Variants in CEACAM1 observed in about 807,000 individuals in gnomAD.
CEACAM1 encodes cell adhesion molecule CEACAM1.
Under a neutral mutation model 49.1 loss-of-function variants are expected in CEACAM1, and 31 were observed. The observed-to-expected ratio is 0.63, with a 90% CI of 0.47 to 0.85. The LOEUF (loss-of-function observed/expected upper bound fraction) is 0.85. Among genes scored for constraint, CEACAM1 ranks in the 40% least tolerant of loss-of-function variants. CEACAM1 has a pLI of 0.00. For missense variants in CEACAM1, 570 were observed against 645.3 expected (o/e 0.88, Z 1.26); for synonymous variants, 244 against 247.8 (o/e 0.98, Z 0.14).
chr19:42,508,913 C>A lies in CEACAM1; in HGVS notation c.*196G>T. 1.8e-6 allele frequency: 1 copy of A among 567,446 alleles called. No individual in the cohort carries two copies. Among genetic ancestry groups the A allele is most frequent in the Non-Finnish European group, 3.0e-6 (1 of 328,388 alleles). 35.2% of individuals were successfully genotyped at this position (567,446 alleles called of 1,614,324 possible). ...AAGAAGGTTGGGTTTCCTACAGACTCCCAATGTACTTTCATCTATTGACAC... is the reference window on the plus strand; with the variant it reads ...AAGAAGGTTGGGTTTCCTACAGACTACCAATGTACTTTCATCTATTGACAC... On this transcript the variant is annotated 3_prime_UTR_variant, in exon 9 of 9. Transcript: ENST00000161559.
intron 4 of CEACAM1, chr19:42,519,475 G>T (rs1240869888): frequency 1.9e-6 from 1 of 515,120 alleles, no homozygotes; most frequent in Non-Finnish European, 3.5e-6. Context: ...GTCTCAGAGT[G>T]ACCCTCTGGA....
Position 42,510,762 on chromosome 19 carries a change from C to T in CEACAM1, c.1461+127G>A, listed in dbSNP as rs1056608398. On this transcript the variant is annotated intron_variant, in intron 8 of 8. Transcript: ENST00000161559. ...AGACTCATGGGAGTGATTACAAATA[C>T]GTCTTTGTTGTTGCACTGAGGAACA... is the stretch of plus-strand genomic sequence containing the variant. 1.6e-4 allele frequency: 135 copies of T among 830,434 alleles called. 1 individual carries two copies. The highest frequency in any genetic ancestry group is 2.5e-4 in the South Asian group (18 of 70,746). 51.4% of individuals were successfully genotyped at this position (830,434 alleles called of 1,614,324 possible).
At chr19:42,515,600 G>C (rs903073415) in intron 5 of CEACAM1, among the ~76,000 whole-genome samples, 1 of 152,048 alleles carries the variant, frequency 6.6e-6, no homozygotes. Flanking sequence ...CTTGAACCCG[G>C]GAAGTTGAGG....
chr19:42,519,141 A>G lies in CEACAM1; in HGVS notation c.1053T>C (p.Asn351=), dbSNP rs2041676297. 1 of 1,614,154 alleles carries G rather than the reference A, an allele frequency of 6.2e-7. No homozygotes were observed. The highest frequency in any genetic ancestry group is 8.5e-7 in the Non-Finnish European group (1 of 1,180,028). ...KDSVNLTCST[N]DTGISIRWFF... The stretch of plus-strand genomic sequence containing the variant: ...ACCAACGGATGGAGATTCCAGTGTC[A>G]TTTGTGGAGCAGGTCAGGTTCACAG... Residue 351 remains asparagine (N), a synonymous_variant, in exon 5 of 9, where the codon AAT becomes AAC. Coordinates refer to ENST00000161559, the MANE Select transcript of CEACAM1 (RefSeq NM_001712.5).
At chr19:42,514,954 T>C in intron 5 of CEACAM1, 1 of 636,436 alleles carries the variant, frequency 1.6e-6, no homozygotes, top group Admixed American at 2.5e-5. Flanking sequence ...GCTGAAGGTT[T>C]ATTATTACAT....
At chr19:42,518,741 C>A in intron 5 of CEACAM1, 1 of 594,020 alleles carries the variant, frequency 1.7e-6, no homozygotes, top group South Asian at 1.9e-5. Flanking sequence ...CCCTCGTGAT[C>A]CGCCCGCCTT....
chr19:42,518,034 A>G (rs916416794), intron 5 of CEACAM1, among the ~76,000 whole-genome samples: 24 of 152,218 alleles, frequency 1.6e-4, no homozygotes, highest in African/African-American at 5.8e-4. Flanking sequence ...ACATTCTACA[A>G]CATAGATGGA....
chr19:42,510,834 C>T, intron 8 of CEACAM1, 55 bp downstream of exon 8: 2 of 1,493,740 alleles, frequency 1.3e-6, no homozygotes, highest in South Asian at 2.3e-5. Flanking sequence ...ATAATCAATT[C>T]TACACAGAAT....
chr19:42,513,958 C>CTTTTT (rs869304469), intron 5 of CEACAM1, among the ~76,000 whole-genome samples: 19 of 86,876 alleles, frequency 2.2e-4, no homozygotes, highest in African/African-American at 3.7e-4. Flanking sequence ...TCTTCTTCTT[C>CTTTTT]TTTTTTTTTT....
Position 42,521,916 on chromosome 19 carries a change from A to T in CEACAM1, c.703+8T>A. 3 of 1,614,194 alleles carry T rather than the reference A, an allele frequency of 1.9e-6. No individual in the cohort carries two copies. Among genetic ancestry groups the T allele is most frequent in the Non-Finnish European group, 2.5e-6 (3 of 1,180,038 alleles). Reference sequence around the variant, plus strand: ...AGCCTGGGCCACAGAGGAACAGAAGATACTCACAGGTGACATTCAAGGTGA... The same window carrying T: ...AGCCTGGGCCACAGAGGAACAGAAGTTACTCACAGGTGACATTCAAGGTGA... On this transcript the variant is annotated splice_region_variant and intron_variant, in intron 3 of 8. Transcript: ENST00000161559.
At position 42,522,016 on chromosome 19, in the gene CEACAM1, C is replaced by G; in HGVS notation, c.611G>C (p.Ser204Thr). The G allele has an allele frequency of 6.2e-7, 1 of 1,614,228 alleles. No homozygotes were observed. Among genetic ancestry groups the G allele is most frequent in the South Asian group, 1.1e-5 (1 of 91,090 alleles). ...SNGNRTLTLL[S>T]VTRNDTGPYE... Reference sequence around the variant, plus strand: ...GGGTCCTGTGTCATTCCTTGTGACACTGAGTAGAGTGAGGGTCCTGTTGCC... The same window carrying G: ...GGGTCCTGTGTCATTCCTTGTGACAGTGAGTAGAGTGAGGGTCCTGTTGCC... The change falls in exon 3 of 9, where the codon AGT becomes ACT. Residue 204 changes from serine (S) to threonine (T), a missense_variant. Ser to Thr is a moderately conservative substitution (Grantham distance 58). Transcript: ENST00000161559.
Position 42,527,343 on chromosome 19 carries a change from A to C in CEACAM1, c.122T>G (p.Met41Arg). The C allele has an allele frequency of 1.2e-6, 2 of 1,613,614 alleles. No homozygotes were observed. Among genetic ancestry groups the C allele is most frequent in the Non-Finnish European group, 1.7e-6 (2 of 1,179,684 alleles). The change falls in exon 2 of 9, where the codon ATG (methionine) becomes AGG (arginine). Residue 41 changes from methionine (M) to arginine (R), a missense_variant. Physicochemically the swap from Met to Arg is moderately conservative, Grantham distance 91. Coordinates refer to ENST00000161559, the MANE Select transcript of CEACAM1 (RefSeq NM_001712.5). ...CTTCCCCTCTGCAACATTGAATGGC[A>C]TGGATTCAGTAGTGAGCTGGGCAGT... ...PTTAQLTTES[M>R]PFNVAEGKEV...
intron 5 of CEACAM1, among the ~76,000 whole-genome samples, chr19:42,515,340 C>T (rs762342273): frequency 3.9e-5 from 6 of 151,984 alleles, no homozygotes; most frequent in Non-Finnish European, 5.9e-5. Flanking sequence ...TTGAGGAATC[C>T]GAGGCTCAGA....
intron 1 of CEACAM1, 87 bp downstream of exon 1, chr19:42,528,224 C>T: frequency 1.7e-6 from 2 of 1,157,854 alleles, no homozygotes; most frequent in South Asian, 2.8e-5. Flanking sequence ...CCCTCTGTCC[C>T]CTCTTAGAGC....
intron 7 of CEACAM1, chr19:42,511,361 T>A (rs1314109246): frequency 1.7e-6 from 1 of 602,560 alleles, no homozygotes; most frequent in East Asian, 2.8e-5. Context: ...CTGCCTGGCC[T>A]AGGCAGAGTG....
chr19:42,522,216 A>G lies in CEACAM1; in HGVS notation c.425-14T>C. 1.2e-6 allele frequency: 2 copies of G among 1,610,774 alleles called. No homozygotes were observed. Among genetic ancestry groups the G allele is most frequent in the African/African-American group, 2.7e-5 (2 of 75,030 alleles). On this transcript the variant is annotated splice_polypyrimidine_tract_variant and intron_variant, in intron 2 of 8. Coordinates refer to ENST00000161559, the MANE Select transcript of CEACAM1 (RefSeq NM_001712.5). The stretch of plus-strand genomic sequence containing the variant: ...TGGGCAGCTCCGCTATGCAGAAAAC[A>G]GAGAGAAGATTGCCCTGTGTGGCAC...
Position 42,528,423 on chromosome 19 carries a change from C to T in CEACAM1, c.-49G>A. Reference sequence around the variant, plus strand: ...TCACCTGTGGAGGAGAGCTTGGGCTCCAGGAACGCTTCGAGCACGGCTGCT... The same window carrying T: ...TCACCTGTGGAGGAGAGCTTGGGCTTCAGGAACGCTTCGAGCACGGCTGCT... On this transcript the variant is annotated 5_prime_UTR_variant, in exon 1 of 9. Transcript: ENST00000161559. The T allele has an allele frequency of 6.3e-7, 1 of 1,586,698 alleles. No homozygotes were observed. Among genetic ancestry groups the T allele is most frequent in the Non-Finnish European group, 8.7e-7 (1 of 1,155,514 alleles).
chr19:42,514,014 TGCAGTG>T (rs2041535753), intron 5 of CEACAM1, among the ~76,000 whole-genome samples: 1 of 138,848 alleles, frequency 7.2e-6, no homozygotes, highest in African/African-American at 2.8e-5. Flanking sequence ...CAGGCTGGAG[TGCAGTG>T]GCACAATCAT....
chr19:42,515,028 T>G (rs778005425), intron 5 of CEACAM1: 1 of 680,614 alleles, frequency 1.5e-6, no homozygotes, highest in South Asian at 1.5e-5. Flanking sequence ...CTCAGCACTT[T>G]GGGAAACAGA....
Sources: gnomAD v4.1 joint callset for allele counts (sites outside exome capture counted in the v4.1 genomes callset) on GRCh38, gnomAD v4.1.1 for gene constraint, MANE v1.5 for transcripts, NCBI Gene and HGNC (gene_info 2026-07-23, HGNC 2026-07-21) for gene names.